CHRM3: variants seen among roughly 807,000 people sequenced by gnomAD.
CHRM3 encodes the protein cholinergic receptor muscarinic 3.
CHRM3 carries 11 observed loss-of-function variants against 41.8 expected under a neutral mutation model. That is an observed-to-expected ratio of 0.26 (90% CI 0.17 to 0.44). The LOEUF (loss-of-function observed/expected upper bound fraction) is 0.44. Ranked by LOEUF, CHRM3 falls within the 20% of genes least tolerant of loss-of-function variation. The pLI, the probability that CHRM3 is intolerant of heterozygous loss-of-function variation, is 1.00. For missense variants in CHRM3, 571 were observed against 745.4 expected (o/e 0.77, Z 2.72); for synonymous variants, 297 against 301.4 (o/e 0.99, Z 0.15).
chr1:239,899,138 C>T (rs1202606785), intron 6 of CHRM3, among the ~76,000 whole-genome samples: 4 of 151,924 alleles, frequency 2.6e-5, no homozygotes, highest in Non-Finnish European at 5.9e-5. Context: ...GTGTGTATGT[C>T]GAGCAAAAAT....
chr1:239,435,958 G>T (rs181820066), intron 1 of CHRM3, among the ~76,000 whole-genome samples: 57 of 152,230 alleles, frequency 3.7e-4, no homozygotes, highest in African/African-American at 1.3e-3. Context: ...TTCTTTGGGG[G>T]CTGTGCTCAC....
intron 6 of CHRM3, among the ~76,000 whole-genome samples, chr1:239,850,302 T>C (rs1674595382): frequency 6.6e-6 from 1 of 152,192 alleles, no homozygotes; most frequent in Non-Finnish European, 1.5e-5. Context: ...CATAAAGATC[T>C]TCATCCTCAT....
At chr1:239,721,713 G>A (rs181966304) in intron 5 of CHRM3, among the ~76,000 whole-genome samples, 34 of 151,896 alleles carry the variant, frequency 2.2e-4, no homozygotes, top group African/African-American at 8.2e-4. Context: ...TAGCCAATAG[G>A]TATTATCTTT....
chr1:239,489,215 C>T (rs1046421354), intron 1 of CHRM3, among the ~76,000 whole-genome samples: 1 of 152,084 alleles, frequency 6.6e-6, no homozygotes, highest in Non-Finnish European at 1.5e-5. Context: ...AGTTCGAAAC[C>T]AGCCTGACCA....
Position 239,908,938 on chromosome 1 carries a change from T to A in CHRM3, c.1487T>A (p.Ile496Asn), listed in dbSNP as rs144917572. The A allele has an allele frequency of 6.2e-7, 1 of 1,614,016 alleles. No individual in the cohort carries two copies. Residue 496 changes from isoleucine (I) to asparagine (N), a missense_variant, in exon 7 of 7, where the codon ATC becomes AAC. By Grantham distance (149) the Ile-to-Asn change is moderately radical (BLOSUM62 -3). Around this residue, in one of 5 missense-constraint regions of CHRM3, gnomAD observed 43 missense variants for 93.7 expected, o/e 0.46. Transcript: ENST00000676153. This position sits in a 1 kb window ranked among gnomAD's most constrained non-coding sequence, Gnocchi z 7.2. ...EKKAAQTLSA[I>N]LLAFIITWTP... ...AAAGCGGCCCAGACCCTCAGTGCGA[T>A]CTTGCTTGCCTTCATCATCACTTGG...
chr1:239,805,850 T>C (rs1018131685), intron 5 of CHRM3, among the ~76,000 whole-genome samples: 1 of 152,244 alleles, frequency 6.6e-6, no homozygotes, highest in Non-Finnish European at 1.5e-5. Flanking sequence ...TATTATTAAC[T>C]GTACTAACAT....
At chr1:239,619,375 G>A (rs1454249010) in intron 3 of CHRM3, among the ~76,000 whole-genome samples, 1 of 152,136 alleles carries the variant, frequency 6.6e-6, no homozygotes, top group African/African-American at 2.4e-5. Context: ...GAGACTTCCT[G>A]CCATTGCAGT....
chr1:239,602,540 T>C (rs1462609658), intron 3 of CHRM3, among the ~76,000 whole-genome samples: 1 of 152,136 alleles, frequency 6.6e-6, no homozygotes, highest in Non-Finnish European at 1.5e-5. Flanking sequence ...CTAATACATG[T>C]TTGTTTCATT....
chr1:239,675,821 A>T (rs1410474091), intron 4 of CHRM3, among the ~76,000 whole-genome samples: 1 of 152,180 alleles, frequency 6.6e-6, no homozygotes, highest in Non-Finnish European at 1.5e-5. Context: ...TGTAGGAAAT[A>T]TTCTAAGCAG....
At position 239,476,225 on chromosome 1, in the gene CHRM3, G is replaced by A. The variant is rs532424822; in HGVS notation, c.-520-16484G>A. 4.6e-5 allele frequency among the ~76,000 whole-genome samples: 7 copies of A among 152,266 alleles called. No homozygotes were observed. The South Asian group carries it at 1.5e-3, about 32-fold the overall frequency. On this transcript the variant is annotated intron_variant, in intron 1 of 6. Transcript: ENST00000676153. ...TCATGCCTGTAATCCCAGCACTTTG[G>A]GAGGCCGAGGCAGGCAGATCACCTG...
intron 3 of CHRM3, among the ~76,000 whole-genome samples, chr1:239,576,801 A>AG (rs1213837014): frequency 1.3e-5 from 2 of 151,812 alleles, no homozygotes; most frequent in African/African-American, 4.8e-5. Context: ...AAAAAAAAAA[A>AG]AGAAAATCAC....
rs543231161 is a variant in CHRM3, at chr1:239,763,362, C to T, written c.-146-63890C>T. ...CATGCAAATAGCTCCTTTGACTTTT[C>T]AATGTCTCATGAATATATAATATCA... On this transcript the variant is annotated intron_variant, in intron 5 of 6. Coordinates refer to ENST00000676153, the MANE Select transcript of CHRM3 (RefSeq NM_001375978.1). Among the ~76,000 whole-genome samples the T allele has an allele frequency of 1.2e-4, 19 of 152,310 alleles. No homozygotes were observed. The South Asian group carries it at 3.9e-3, about 32-fold the overall frequency.
chr1:239,578,341 A>G (rs746808893), intron 3 of CHRM3, among the ~76,000 whole-genome samples: 82 of 152,166 alleles, frequency 5.4e-4, no homozygotes, highest in Non-Finnish European at 8.7e-4. Flanking sequence ...CACACTATTT[A>G]CTGAGTTTTA....
In CHRM3 at chr1:239,825,075, C is replaced by T. The variant is rs192354644; in HGVS notation, c.-146-2177C>T. On this transcript the variant is annotated intron_variant, in intron 5 of 6. Transcript: ENST00000676153. ...TCAGCACTGGGTTACAGTGGTGGGC[C>T]AAGCAATTTCTTCAGGCCTGTCCTT... is the stretch of plus-strand genomic sequence containing the variant. 2.9e-4 allele frequency among the ~76,000 whole-genome samples: 44 copies of T among 152,326 alleles called. No homozygotes were observed. The East Asian group carries it at 8.1e-3, about 28-fold the overall frequency.
intron 3 of CHRM3, among the ~76,000 whole-genome samples, chr1:239,576,900 C>T (rs1263861925): frequency 2.6e-5 from 4 of 152,102 alleles, no homozygotes; most frequent in Admixed American, 6.5e-5. Context: ...GTGCTACCTG[C>T]AAGCACGACC....
Position 239,908,741 on chromosome 1 carries a change from G to T in CHRM3, c.1290G>T (p.Gln430His), listed in dbSNP as rs574768355. Residue 430 changes from glutamine (Q) to histidine (H), a missense_variant, in exon 7 of 7, where the codon CAG (glutamine) becomes CAT (histidine). Around this residue, in one of 5 missense-constraint regions of CHRM3, gnomAD observed 239 missense variants for 239.6 expected, o/e 1.00. Coordinates refer to ENST00000676153, the MANE Select transcript of CHRM3 (RefSeq NM_001375978.1). The surrounding 1 kb of genome is among the most constrained non-coding windows in gnomAD (Gnocchi z 7.2). ...AAAGCTTCTCCAAGCTTCCCATCCAGCTAGAGTCAGCCGTGGACACAGCTA... is the reference window on the plus strand; with the variant it reads ...AAAGCTTCTCCAAGCTTCCCATCCATCTAGAGTCAGCCGTGGACACAGCTA... Reference protein sequence around the residue: ...FPKSFSKLPIQLESAVDTAKT... With the variant: ...FPKSFSKLPIHLESAVDTAKT... 6.2e-5 allele frequency: 100 copies of T among 1,613,700 alleles called. No individual in the cohort carries two copies. Among genetic ancestry groups the T allele is most frequent in the Non-Finnish European group, 8.3e-5 (98 of 1,179,896 alleles).
chr1:239,422,598 AC>A, intron 1 of CHRM3, among the ~76,000 whole-genome samples: 1 of 152,188 alleles, frequency 6.6e-6, no homozygotes, highest in East Asian at 1.9e-4. Context: ...GATAGAGACC[AC>A]CCTGGCTAAC....
chr1:239,843,643 G>A (rs1367637620), intron 6 of CHRM3, among the ~76,000 whole-genome samples: 1 of 151,764 alleles, frequency 6.6e-6, no homozygotes, highest in African/African-American at 2.4e-5. Context: ...AGAAAATGAA[G>A]GATTGAGATG....
chr1:239,813,719 C>T (rs1168539580), intron 5 of CHRM3, among the ~76,000 whole-genome samples: 2 of 132,872 alleles, frequency 1.5e-5, no homozygotes, highest in African/African-American at 6.2e-5. Context: ...AGATCGAGAC[C>T]ATCCTGGCTA....
Sources: allele counts gnomAD v4.1 joint callset (sites outside exome capture counted in the v4.1 genomes callset), GRCh38; gene constraint gnomAD v4.1.1; regional missense constraint gnomAD v4.1.1; non-coding constraint Gnocchi (gnomAD v3.1); transcripts MANE v1.5; gene names NCBI Gene and HGNC (gene_info 2026-07-23, HGNC 2026-07-21).